The following TIPRL variants were observed in gnomAD, a reference collection of about 807,000 sequenced individuals.
The protein encoded by TIPRL is TOR signaling pathway regulator, also known as TIP41-like protein.
A neutral mutation model predicts 32.3 loss-of-function variants in TIPRL; 10 were observed. The observed-to-expected ratio is 0.31, with a 90% CI of 0.19 to 0.52. TIPRL has a LOEUF of 0.52. TIPRL is among the 20% of genes least tolerant of loss of function. TIPRL has a pLI of 0.96. For synonymous variants in TIPRL, 100 were observed against 114.0 expected (o/e 0.88, Z 0.78); for missense variants, 250 against 328.1 (o/e 0.76, Z 1.84).
At chr1:168,188,795 A>G (rs182325050) in intron 3 of TIPRL, among the ~76,000 whole-genome samples, 39 of 152,270 alleles carry the variant, frequency 2.6e-4, no homozygotes, top group Non-Finnish European at 5.1e-4. Context: ...CCTGGCCAAC[A>G]TGGCAAAACC....
rs946802338 is a variant in TIPRL, at chr1:168,192,424, T to C, written c.516+924T>C. On this transcript the variant is annotated intron_variant, in intron 4 of 6. Coordinates refer to ENST00000367833, the MANE Select transcript of TIPRL (RefSeq NM_152902.5). ...AACAAGTATGGTTATTCATATTTCT[T>C]TACCACTGCATTATAATTGGGTCTC... 33 of 1,005,224 alleles carry C rather than the reference T, an allele frequency of 3.3e-5. No individual in the cohort carries two copies. The Admixed American group carries it at 1.1e-3, about 33-fold the overall frequency. The allele number at this position is 1,005,224 out of a possible 1,614,324, so 62.3% of individuals were successfully genotyped here.
At chr1:168,192,090 AT>A in intron 4 of TIPRL, 1 of 1,182,692 alleles carries the variant, frequency 8.5e-7, no homozygotes, top group Middle Eastern at 2.2e-4. Flanking sequence ...TAATTTTCAC[AT>A]TTTGGATTAA....
Position 168,192,910 on chromosome 1 carries a change from C to A in TIPRL, c.516+1410C>A, listed in dbSNP as rs200453067. On this transcript the variant is annotated intron_variant, in intron 4 of 6. Coordinates refer to ENST00000367833, the MANE Select transcript of TIPRL (RefSeq NM_152902.5). ...AAAACAAACAAACAAACAAACAAAA[C>A]AAACAAAAAACCTCTCAATTATAGC... Among the ~76,000 whole-genome samples, 113 of 142,512 alleles carry A rather than the reference C, an allele frequency of 7.9e-4. 1 individual carries two copies. The highest frequency in any genetic ancestry group is 2.9e-3 in the African/African-American group (108 of 37,380). The allele number at this position is 142,512 out of a possible 152,430, so 93.5% of individuals were successfully genotyped here.
chr1:168,181,463 C>G (rs925991973), intron 1 of TIPRL, among the ~76,000 whole-genome samples: 1 of 151,512 alleles, frequency 6.6e-6, no homozygotes, highest in African/African-American at 2.4e-5. Context: ...CACCTGCCCT[C>G]GGCCTCCCAA....
chr1:168,183,728 A>T (rs1699994605), intron 1 of TIPRL, among the ~76,000 whole-genome samples, 174 bp from the exon 2 acceptor site: 1 of 152,154 alleles, frequency 6.6e-6, no homozygotes, highest in Non-Finnish European at 1.5e-5. Flanking sequence ...CCATATGATG[A>T]TGAAAGAATG....
chr1:168,182,107 A>G (rs1178123706), intron 1 of TIPRL, among the ~76,000 whole-genome samples: 1 of 151,792 alleles, frequency 6.6e-6, no homozygotes, highest in African/African-American at 2.4e-5. Context: ...TTTATATGAC[A>G]AAAGGAAGAC....
intron 1 of TIPRL, among the ~76,000 whole-genome samples, chr1:168,181,290 G>A (rs1405445206): frequency 6.6e-6 from 1 of 151,116 alleles, no homozygotes; most frequent in Non-Finnish European, 1.5e-5. Context: ...TCGGCTCACT[G>A]TAACCTCCAC....
intron 1 of TIPRL, among the ~76,000 whole-genome samples, chr1:168,179,884 G>C (rs964850918): frequency 6.6e-6 from 1 of 152,052 alleles, no homozygotes; most frequent in Non-Finnish European, 1.5e-5. Flanking sequence ...AAAGCTGGGG[G>C]CTCAGGGAGA....
At chr1:168,179,234 G>T in intron 1 of TIPRL, 53 bp downstream of exon 1, 1 of 1,546,548 alleles carries the variant, frequency 6.5e-7, no homozygotes, top group South Asian at 1.1e-5. Context: ...GGCCCAGGGC[G>T]GGAGGCAGGG....
intron 4 of TIPRL, among the ~76,000 whole-genome samples, chr1:168,191,858 C>CGAAA (rs1558164787): frequency 7.7e-5 from 3 of 38,900 alleles, no homozygotes; most frequent in Non-Finnish European, 1.1e-4. Flanking sequence ...GGCGACAGAG[C>CGAAA]AAAAAAAAAA....
At position 168,186,599 on chromosome 1, in the gene TIPRL, G is replaced by C. The variant is rs549535988; in HGVS notation, c.384+1721G>C. Among the ~76,000 whole-genome samples, 4 of 152,230 alleles carry C rather than the reference G, an allele frequency of 2.6e-5. No homozygotes were observed. The South Asian group carries it at 8.3e-4, about 32-fold the overall frequency. ...GAATGAATTTATTTCAGCGTAACCTGAAATATTTATATTAAAAGTAGCTAT... is the reference window on the plus strand; with the variant it reads ...GAATGAATTTATTTCAGCGTAACCTCAAATATTTATATTAAAAGTAGCTAT... On this transcript the variant is annotated intron_variant, in intron 3 of 6. Transcript: ENST00000367833.
At chr1:168,191,859 A>G (rs6687509) in intron 4 of TIPRL, among the ~76,000 whole-genome samples, 1,793 of 117,364 alleles carry the variant, frequency 0.015, 7 homozygotes, top group Non-Finnish European at 0.021. Flanking sequence ...GCGACAGAGC[A>G]AAAAAAAAAA....
intron 1 of TIPRL, among the ~76,000 whole-genome samples, chr1:168,183,297 C>G (rs912910581): frequency 2.7e-5 from 4 of 150,800 alleles, no homozygotes; most frequent in African/African-American, 9.8e-5. Flanking sequence ...TTTTTCTGTA[C>G]TTGGAATTAT....
chr1:168,193,098 G>A (rs1249273309), intron 4 of TIPRL, among the ~76,000 whole-genome samples: 1 of 152,110 alleles, frequency 6.6e-6, no homozygotes, highest in Non-Finnish European at 1.5e-5. Flanking sequence ...AGAAGCAGGA[G>A]GATTGCTTGA....
At chr1:168,184,287 T>C (rs1316940605) in intron 2 of TIPRL, among the ~76,000 whole-genome samples, 1 of 152,264 alleles carries the variant, frequency 6.6e-6, no homozygotes, top group African/African-American at 2.4e-5. Flanking sequence ...TGAATACTTG[T>C]TAAAGTGAAT....
At chr1:168,186,334 A>G (rs1700027931) in intron 3 of TIPRL, among the ~76,000 whole-genome samples, 1 of 151,838 alleles carries the variant, frequency 6.6e-6, no homozygotes, top group Non-Finnish European at 1.5e-5. Context: ...CACCTCTACT[A>G]AAAATGTAAA....
chr1:168,180,639 A>G lies in TIPRL; in HGVS notation c.104+1458A>G, dbSNP rs549902803. On this transcript the variant is annotated intron_variant, in intron 1 of 6. Transcript: ENST00000367833. ...GAGTGACCAGGGAAGAGAGGAAAGT[A>G]ATGAAACGATGTTTGCTTCCTAATT... 1.2e-4 allele frequency among the ~76,000 whole-genome samples: 18 copies of G among 152,294 alleles called. No individual in the cohort carries two copies. In the South Asian group the frequency reaches 3.7e-3, roughly 32 times the overall value.
intron 1 of TIPRL, among the ~76,000 whole-genome samples, chr1:168,180,549 C>T (rs1484604329): frequency 6.6e-6 from 1 of 151,976 alleles, no homozygotes; most frequent in Non-Finnish European, 1.5e-5. Context: ...TAGAAGTCAT[C>T]CAGAGGAAAA....
intron 1 of TIPRL, among the ~76,000 whole-genome samples, chr1:168,179,536 A>G (rs1218008725): frequency 3.3e-5 from 5 of 152,108 alleles, no homozygotes; most frequent in Non-Finnish European, 7.3e-5. Flanking sequence ...GGGATGATTT[A>G]TAAGTTTGGT....
Sources: gnomAD v4.1 joint callset for allele counts (sites outside exome capture counted in the v4.1 genomes callset) on GRCh38, gnomAD v4.1.1 for gene constraint, MANE v1.5 for transcripts, NCBI Gene and HGNC (gene_info 2026-07-23, HGNC 2026-07-21) for gene names.